Variants in PRPSAP2 observed in about 807,000 individuals in gnomAD.
The protein encoded by PRPSAP2 is phosphoribosyl pyrophosphate synthetase associated protein 2, also known as phosphoribosyl pyrophosphate synthase-associated protein 2.
A neutral mutation model predicts 40.6 loss-of-function variants in PRPSAP2; 24 were observed. That is an observed-to-expected ratio of 0.59 (90% CI 0.43 to 0.83). The LOEUF is 0.83. Among genes scored for constraint, PRPSAP2 ranks in the 40% least tolerant of loss-of-function variants. PRPSAP2 has a pLI of 0.00. For missense variants in PRPSAP2, 292 were observed against 465.6 expected, an observed-to-expected ratio of 0.63 and a Z score of 3.43; for synonymous variants, 149 against 164.7, an observed-to-expected ratio of 0.90 and a Z score of 0.73.
chr17:18,914,360 C>A (rs967130384), intron 9 of PRPSAP2, among the ~76,000 whole-genome samples: 32 of 149,920 alleles, frequency 2.1e-4, no homozygotes, highest in Non-Finnish European at 4.6e-4. Context: ...CGGGCCCAAG[C>A]CATTCTCCTA....
intron 6 of PRPSAP2, among the ~76,000 whole-genome samples, chr17:18,881,960 C>A (rs551335287): frequency 3.8e-4 from 58 of 151,706 alleles, no homozygotes; most frequent in African/African-American, 1.4e-3. Context: ...TCTGCCTCAG[C>A]CTCCCAAGTA....
chr17:18,904,545 GTTGGGATAA>G (rs1165872046), intron 8 of PRPSAP2: 3 of 152,254 alleles, frequency 2.0e-5, no homozygotes, highest in Non-Finnish European at 2.9e-5. Flanking sequence ...GTGAGCCACT[GTTGGGATAA>G]CAGGCGTGAG....
chr17:18,887,443 G>C (rs921149048), intron 7 of PRPSAP2, among the ~76,000 whole-genome samples: 1 of 151,954 alleles, frequency 6.6e-6, no homozygotes, highest in Non-Finnish European at 1.5e-5. Context: ...TCACCATGCT[G>C]GCCAGGCTGG....
intron 8 of PRPSAP2, among the ~76,000 whole-genome samples, chr17:18,902,504 G>A (rs1349656501): frequency 6.6e-6 from 1 of 152,102 alleles, no homozygotes; most frequent in Admixed American, 6.6e-5. Context: ...TTCCTTGAAG[G>A]TAGTGGGGCA....
intron 8 of PRPSAP2, among the ~76,000 whole-genome samples, chr17:18,902,604 TCA>T (rs2040336225): frequency 6.6e-6 from 1 of 152,086 alleles, no homozygotes; most frequent in Non-Finnish European, 1.5e-5. Flanking sequence ...AGGTGCGGTG[TCA>T]CACCTGTAAT....
chr17:18,913,713 A>G (rs1368847955), intron 9 of PRPSAP2, among the ~76,000 whole-genome samples: 2 of 151,064 alleles, frequency 1.3e-5, no homozygotes, highest in African/African-American at 4.9e-5. Flanking sequence ...GCACCTGGCT[A>G]ATTTTTGTAT....
chr17:18,919,841 C>T (rs746702892), intron 9 of PRPSAP2, among the ~76,000 whole-genome samples: 86 of 152,170 alleles, frequency 5.7e-4, no homozygotes, highest in Non-Finnish European at 1.1e-3. Context: ...TGTGCTTTTT[C>T]CACTGTGTTC....
chr17:18,870,100 A>C (rs1042905050), intron 4 of PRPSAP2, among the ~76,000 whole-genome samples: 2 of 152,040 alleles, frequency 1.3e-5, no homozygotes, highest in African/African-American at 4.8e-5. Context: ...CATCCACCTC[A>C]GCCTCCCAAA....
intron 8 of PRPSAP2, among the ~76,000 whole-genome samples, chr17:18,896,557 G>C (rs1306039635): frequency 2.0e-5 from 3 of 149,162 alleles, no homozygotes; most frequent in African/African-American, 7.4e-5. Context: ...GGCCCATGTG[G>C]CCATCTCATT....
intron 9 of PRPSAP2, among the ~76,000 whole-genome samples, chr17:18,916,890 A>G (rs1211412897): frequency 6.6e-6 from 1 of 152,200 alleles, no homozygotes; most frequent in Non-Finnish European, 1.5e-5. Flanking sequence ...AGAGGCCTTG[A>G]GCCTTAATCA....
In PRPSAP2 at chr17:18,858,158, C is replaced by T. The variant is rs2036726985; in HGVS notation, c.-232C>T. 2 of 152,294 alleles carry T rather than the reference C, an allele frequency of 1.3e-5. No individual in the cohort carries two copies. The highest frequency in any genetic ancestry group is 6.5e-5 in the Admixed American group (1 of 15,290). 9.4% of individuals were successfully genotyped at this position (152,294 alleles called of 1,614,324 possible). A position where few individuals can be genotyped will look rare whatever the true frequency, so the allele number is the denominator to read the frequency against. Reference sequence around the variant, plus strand: ...AGTCACCGCGGACGCCAATCTTGTGCATGGAGTCGCCATTTTGCTCCTAGA... The same window carrying T: ...AGTCACCGCGGACGCCAATCTTGTGTATGGAGTCGCCATTTTGCTCCTAGA... On this transcript the variant is annotated 5_prime_UTR_variant, in exon 1 of 12. Coordinates refer to ENST00000268835, the MANE Select transcript of PRPSAP2 (RefSeq NM_002767.4).
In PRPSAP2 at chr17:18,879,928, C is replaced by T. The variant is rs533076412; in HGVS notation, c.412+2058C>T. ...CCTAACCAACATGGAAAAACCCCGTCTCTACTAACAATACAAAATTAGCCG... is the reference window on the plus strand; with the variant it reads ...CCTAACCAACATGGAAAAACCCCGTTTCTACTAACAATACAAAATTAGCCG... On this transcript the variant is annotated intron_variant, in intron 6 of 11. Coordinates refer to ENST00000268835, the MANE Select transcript of PRPSAP2 (RefSeq NM_002767.4). Among the ~76,000 whole-genome samples, 9 of 152,016 alleles carry T rather than the reference C, an allele frequency of 5.9e-5. No homozygotes were observed. The East Asian group carries it at 1.8e-3, about 30-fold the overall frequency.
chr17:18,893,153 CTTTTT>C (rs71355574), intron 8 of PRPSAP2, among the ~76,000 whole-genome samples: 10 of 124,984 alleles, frequency 8.0e-5, no homozygotes, highest in Admixed American at 1.7e-4. Context: ...TTCAATTTAT[CTTTTT>C]TTTTTTTTTT....
chr17:18,930,781 C>CA lies in PRPSAP2; in HGVS notation c.*84dup, dbSNP rs1380055668. 1 of 1,275,436 alleles carries CA rather than the reference C, an allele frequency of 7.8e-7. No homozygotes were observed. The highest frequency in any genetic ancestry group is 1.1e-6 in the Non-Finnish European group (1 of 939,254). 79.0% of individuals were successfully genotyped at this position (1,275,436 alleles called of 1,614,324 possible). A position where few individuals can be genotyped will look rare whatever the true frequency, so the allele number is the denominator to read the frequency against. On this transcript the variant is annotated 3_prime_UTR_variant, in exon 12 of 12. Coordinates refer to ENST00000268835, the MANE Select transcript of PRPSAP2 (RefSeq NM_002767.4). ...GTGGGATGGATTTCACAGGAACCGT[C>CA]ATGCTTGTTCCTCCCTCTCCCCTGT...
At chr17:18,867,207 G>A (rs536983944) in intron 3 of PRPSAP2, 75 bp from the exon 4 acceptor site, 78 of 1,354,116 alleles carry the variant, frequency 5.8e-5, no homozygotes, top group Non-Finnish European at 7.2e-5. Context: ...ATCGATTTAC[G>A]AGTCTCCTTA....
intron 5 of PRPSAP2, among the ~76,000 whole-genome samples, chr17:18,876,127 C>G (rs1172874479): frequency 6.6e-6 from 1 of 152,176 alleles, no homozygotes; most frequent in African/African-American, 2.4e-5. Flanking sequence ...GAGCAGAACT[C>G]CGTCTCAAAA....
chr17:18,872,797 G>T, intron 5 of PRPSAP2, 148 bp downstream of exon 5: 2 of 632,004 alleles, frequency 3.2e-6, no homozygotes, highest in Non-Finnish European at 5.5e-6. Flanking sequence ...TAAGTTTTCT[G>T]ACATAACTGC....
intron 3 of PRPSAP2, 149 bp downstream of exon 3, chr17:18,866,101 TCA>T: frequency 3.8e-6 from 2 of 529,686 alleles, no homozygotes; most frequent in African/African-American, 4.0e-5. Flanking sequence ...ATCTTTTTTT[TCA>T]TCATGCAAGA....
At chr17:18,917,232 G>A (rs1418905622) in intron 9 of PRPSAP2, among the ~76,000 whole-genome samples, 1 of 151,992 alleles carries the variant, frequency 6.6e-6, no homozygotes, top group Non-Finnish European at 1.5e-5. Context: ...GACAGATGAG[G>A]AAGAGGAAAG....
Sources: gnomAD v4.1 joint callset for allele counts (sites outside exome capture counted in the v4.1 genomes callset) on GRCh38, gnomAD v4.1.1 for gene constraint, MANE v1.5 for transcripts, NCBI Gene and HGNC (gene_info 2026-07-23, HGNC 2026-07-21) for gene names.